Variants in CD5 observed in about 807,000 individuals in gnomAD.
The protein encoded by CD5 is T-cell surface glycoprotein CD5.
In CD5, 36 loss-of-function variants were observed where a neutral mutation model predicts 60.3. The ratio of observed to expected loss-of-function variants is 0.60; its 90% CI spans 0.46 to 0.79. The LOEUF (loss-of-function observed/expected upper bound fraction) is 0.79, where lower values mean the gene tolerates loss of function less well. Among genes scored for constraint, CD5 ranks in the 30% least tolerant of loss-of-function variants. The pLI is 0.00. For synonymous variants in CD5, 230 were observed against 257.6 expected, an observed-to-expected ratio of 0.89 and a Z score of 1.03; for missense variants, 540 against 630.6, an observed-to-expected ratio of 0.86 and a Z score of 1.54.
intron 1 of CD5, among the ~76,000 whole-genome samples, chr11:61,112,753 A>G (rs1384814348): frequency 6.6e-6 from 1 of 152,164 alleles, no homozygotes; most frequent in East Asian, 1.9e-4. Flanking sequence ...TCCCCTTCCA[A>G]GGCCCGTGAC....
In CD5 at chr11:61,102,538, G is replaced by A; in HGVS notation, c.-23G>A. ...CCTGCGGTGCCCAGCTGCCCAGGCT[G>A]AGGCAAGAGAAGGCCAGAAACCATG... On this transcript the variant is annotated 5_prime_UTR_variant, in exon 1 of 11. Transcript: ENST00000347785. 2 of 1,566,008 alleles carry A rather than the reference G, an allele frequency of 1.3e-6. No individual in the cohort carries two copies. Among genetic ancestry groups the A allele is most frequent in the Non-Finnish European group, 1.7e-6 (2 of 1,153,882 alleles).
At chr11:61,111,750 C>A (rs1860858400) in intron 1 of CD5, among the ~76,000 whole-genome samples, 1 of 152,244 alleles carries the variant, frequency 6.6e-6, no homozygotes, top group African/African-American at 2.4e-5. Context: ...GACAGGGAAT[C>A]TTCCCACTGG....
the CD5 span, among the ~76,000 whole-genome samples, chr11:61,095,806 TCTATGAAAGA>T: frequency 6.6e-6 from 1 of 152,146 alleles, no homozygotes; most frequent in African/African-American, 2.4e-5. Context: ...CCAGCACAAT[TCTATGAAAGA>T]CTGTGTGAGG....
chr11:61,124,925 C>A, intron 8 of CD5, 107 bp from the exon 9 acceptor site: 1 of 1,394,090 alleles, frequency 7.2e-7, no homozygotes, highest in Non-Finnish European at 9.9e-7. Context: ...TTTGTCCTCT[C>A]CCCGCTAACA....
At chr11:61,099,654 TCA>T (rs1860631855), upstream of CD5, among the ~76,000 whole-genome samples, 3 of 137,164 alleles carry the variant, frequency 2.2e-5, no homozygotes, top group South Asian at 2.3e-4. Flanking sequence ...AACATGGAGA[TCA>T]CAAACACACA....
chr11:61,117,745 C>T (rs1428782140), intron 2 of CD5, among the ~76,000 whole-genome samples: 1 of 152,094 alleles, frequency 6.6e-6, no homozygotes, highest in African/African-American at 2.4e-5. Flanking sequence ...GTGATCTGCC[C>T]GCCTCAGCTT....
Position 61,118,549 on chromosome 11 carries a change from C to G in CD5, c.400+69C>G. The stretch of plus-strand genomic sequence containing the variant: ...CAGCCCCGAGGAGACTGCCCGAGGC[C>G]TGTGATCTAGGGTCTGAGCAGGCTG... On this transcript the variant is annotated intron_variant, in intron 3 of 10. Coordinates refer to ENST00000347785, the MANE Select transcript of CD5 (RefSeq NM_014207.4). This position sits in a 1 kb window ranked among gnomAD's most constrained non-coding sequence, Gnocchi z 4.7. 6.7e-7 allele frequency: 1 copy of G among 1,501,188 alleles called. No homozygotes were observed. Among genetic ancestry groups the G allele is most frequent in the Non-Finnish European group, 9.1e-7 (1 of 1,097,880 alleles). The allele number at this position is 1,501,188 out of a possible 1,614,324, so 93.0% of individuals were successfully genotyped here. A position where few individuals can be genotyped will look rare whatever the true frequency, so the allele number is the denominator to read the frequency against.
chr11:61,110,473 G>A (rs1011729050), intron 1 of CD5, among the ~76,000 whole-genome samples: 2 of 152,210 alleles, frequency 1.3e-5, no homozygotes, highest in Non-Finnish European at 2.9e-5. Context: ...AGGTCACACA[G>A]CACTTCATAG....
Position 61,125,122 on chromosome 11 carries a change from C to A in CD5, c.1370C>A (p.Pro457His), listed in dbSNP as rs745808842. 6.2e-7 allele frequency: 1 copy of A among 1,614,096 alleles called. No individual in the cohort carries two copies. Among genetic ancestry groups the A allele is most frequent in the South Asian group, 1.1e-5 (1 of 91,076 alleles). The change falls in exon 9 of 11, where the codon CCC becomes CAC. Residue 457 changes from proline to histidine, a missense_variant. By Grantham distance (77) the Pro-to-His change is moderately conservative. Coordinates refer to ENST00000347785, the MANE Select transcript of CD5 (RefSeq NM_014207.4). ...SHVDNEYSQPPRNSHLSAYPA... is the reference protein window; with the variant it reads ...SHVDNEYSQPHRNSHLSAYPA... ...GTGGATAACGAATACAGCCAACCTC[C>A]CAGGAACTCCCACCTGTCAGCTTAT...
chr11:61,112,320 C>T (rs1238067208), intron 1 of CD5, among the ~76,000 whole-genome samples: 1 of 152,162 alleles, frequency 6.6e-6, no homozygotes, highest in Non-Finnish European at 1.5e-5. Context: ...TCCCTGATGG[C>T]CTCCTGAGGC....
At chr11:61,100,309 TCA>T (rs1348918929), upstream of CD5, among the ~76,000 whole-genome samples, 3 of 118,832 alleles carry the variant, frequency 2.5e-5, no homozygotes, top group Non-Finnish European at 4.9e-5. Context: ...AACATGGAGA[TCA>T]CACACACACG....
At position 61,118,194 on chromosome 11, in the gene CD5, C is replaced by T. The variant is rs922916722; in HGVS notation, c.114C>T (p.Thr38=). ...CCCCAGATTTCCAGGCAAGGCTCAC[C>T]CGTTCCAACTCGAAGTGCCAGGGCC... ...WYDPDFQARL[T]RSNSKCQGQL... is the part of the protein sequence containing the mutation. Residue 38 remains threonine, a synonymous_variant, in exon 3 of 11, where the codon ACC becomes ACT. Coordinates refer to ENST00000347785, the MANE Select transcript of CD5 (RefSeq NM_014207.4). The surrounding 1 kb of genome is among the most constrained non-coding windows in gnomAD (Gnocchi z 4.7). The T allele has an allele frequency of 1.2e-6, 2 of 1,613,852 alleles. No homozygotes were observed. The highest frequency in any genetic ancestry group is 1.7e-6 in the Non-Finnish European group (2 of 1,179,824).
At chr11:61,109,471 C>T (rs1860821291) in intron 1 of CD5, among the ~76,000 whole-genome samples, 1 of 152,158 alleles carries the variant, frequency 6.6e-6, no homozygotes, top group African/African-American at 2.4e-5. Flanking sequence ...TCAAAAACGC[C>T]TGGATCTTGA....
rs116056333 is a variant in CD5, at chr11:61,122,047, T to C, written c.1099+143T>C. ...CCCAGAAAGGATGGAGACAGGGAAA[T>C]TGGAAGGCTAGGGAGCAAGAGTACT... is the stretch of plus-strand genomic sequence containing the variant. On this transcript the variant is annotated intron_variant, in intron 6 of 10. Transcript: ENST00000347785. 386 of 654,038 alleles carry C rather than the reference T, an allele frequency of 5.9e-4. 1 individual carries two copies. The African/African-American group carries it at 6.5e-3, about 11-fold the overall frequency. 40.5% of individuals were successfully genotyped at this position (654,038 alleles called of 1,614,324 possible). A position where few individuals can be genotyped will look rare whatever the true frequency, so the allele number is the denominator to read the frequency against.
intron 1 of CD5, among the ~76,000 whole-genome samples, chr11:61,104,172 G>A (rs532982252): frequency 1.6e-4 from 25 of 152,142 alleles, no homozygotes; most frequent in Admixed American, 5.2e-4. Flanking sequence ...GAGTCTGTGC[G>A]CATGTGTGTG....
rs186074677 is a variant in CD5 at position 61,102,641 on chromosome 11, C to T, written c.55+26C>T. ...GTGAGTACCCCTCCCAGGTGTCCTG[C>T]GAACACCCGGGCTCGCTCCAGTGCA... On this transcript the variant is annotated intron_variant, in intron 1 of 10. Transcript: ENST00000347785. 6,182 of 1,562,602 alleles carry T rather than the reference C, an allele frequency of 4.0e-3. 356 individuals are homozygous for T. The Admixed American group carries it at 0.11, about 27-fold the overall frequency.
chr11:61,101,547 C>T (rs1174022152), upstream of CD5, among the ~76,000 whole-genome samples: 1 of 151,478 alleles, frequency 6.6e-6, no homozygotes, highest in African/African-American at 2.4e-5. Context: ...AGAGATCACA[C>T]AAGTCAACAT....
At position 61,122,901 on chromosome 11, in the gene CD5, C is replaced by T. The variant is rs775961418; in HGVS notation, c.1100-6C>T. ...GGGACTGACCTAACTCTTCCTCCTT[C>T]CCCAGGCCAGGATCCAAACCCCGCA... On this transcript the variant is annotated splice_polypyrimidine_tract_variant and splice_region_variant and intron_variant, in intron 6 of 10. Coordinates refer to ENST00000347785, the MANE Select transcript of CD5 (RefSeq NM_014207.4). 3.1e-6 allele frequency: 5 copies of T among 1,609,940 alleles called. No homozygotes were observed. The highest frequency in any genetic ancestry group is 3.4e-6 in the Non-Finnish European group (4 of 1,177,088).
chr11:61,097,497 C>T (rs1475422257), upstream of CD5, among the ~76,000 whole-genome samples: 1 of 152,180 alleles, frequency 6.6e-6, no homozygotes, highest in Non-Finnish European at 1.5e-5. Flanking sequence ...CCCAAAGTTG[C>T]AAACCGTGTG....
Sources: gnomAD v4.1 joint callset for allele counts (sites outside exome capture counted in the v4.1 genomes callset) on GRCh38, gnomAD v4.1.1 for gene constraint, Gnocchi (gnomAD v3.1) non-coding constraint, MANE v1.5 for transcripts, NCBI Gene and HGNC (gene_info 2026-07-23, HGNC 2026-07-21) for gene names.